IL1RAPL2: variants seen among roughly 807,000 people sequenced by gnomAD.
IL1RAPL2 encodes interleukin 1 receptor accessory protein like 2.
Under a neutral mutation model 44.1 loss-of-function variants are expected in IL1RAPL2, and 3 were observed. That is an observed-to-expected ratio of 0.07 (90% CI 0.03 to 0.18). IL1RAPL2 has a LOEUF of 0.18. IL1RAPL2 is among the 10% of genes least tolerant of loss of function. IL1RAPL2 has a pLI of 1.00. For missense variants in IL1RAPL2, 391 were observed against 496.4 expected (o/e 0.79, Z 2.02); for synonymous variants, 181 against 178.8 (o/e 1.01, Z -0.10).
At chrX:105,393,110 T>A (rs1168350316) in intron 5 of IL1RAPL2, among the ~76,000 whole-genome samples, 1 of 112,220 alleles carries the variant, frequency 8.9e-6, no homozygotes, top group East Asian at 2.8e-4. Flanking sequence ...GAAGAAGTTC[T>A]TGCTCAAATC....
chrX:104,903,451 A>C (rs1470765693), intron 2 of IL1RAPL2, among the ~76,000 whole-genome samples: 1 of 111,966 alleles, frequency 8.9e-6, no homozygotes, highest in African/African-American at 3.2e-5. Context: ...CATAGTAAAA[A>C]AAAAAATGTA....
intron 2 of IL1RAPL2, among the ~76,000 whole-genome samples, chrX:104,765,588 G>C (rs924510388): frequency 9.0e-6 from 1 of 111,613 alleles, no homozygotes; most frequent in African/African-American, 3.3e-5. Flanking sequence ...CACACACAAT[G>C]CCCCAGCATT....
chrX:105,734,899 C>T lies in IL1RAPL2; in HGVS notation c.903-5647C>T, dbSNP rs192670396. On this transcript the variant is annotated intron_variant, in intron 7 of 10. Coordinates refer to ENST00000372582, the MANE Select transcript of IL1RAPL2 (RefSeq NM_017416.2). ...GGTGTTTTTAACTCTCAAGATAGTT[C>T]ATGGTGGGTCTCCAGGAATTTATCT... Among the ~76,000 whole-genome samples, 554 of 111,267 alleles carry T rather than the reference C, an allele frequency of 5.0e-3. 7 individuals are homozygous for T. Among genetic ancestry groups the T allele is most frequent in the African/African-American group, 0.017 (529 of 30,641 alleles).
intron 1 of IL1RAPL2, among the ~76,000 whole-genome samples, chrX:104,636,236 G>A (rs1460837568): frequency 1.8e-5 from 2 of 111,840 alleles, no homozygotes; most frequent in Non-Finnish European, 1.9e-5. Context: ...GGGCATGTGA[G>A]GTGTCAGTCT....
At chrX:105,445,286 T>C (rs1354375825) in intron 5 of IL1RAPL2, among the ~76,000 whole-genome samples, 2 of 111,706 alleles carry the variant, frequency 1.8e-5, no homozygotes, top group Admixed American at 9.6e-5. Flanking sequence ...TTCTTCTTAG[T>C]TGGGCCAAAG....
intron 2 of IL1RAPL2, among the ~76,000 whole-genome samples, chrX:105,096,469 T>C (rs1172622512): frequency 8.9e-6 from 1 of 112,708 alleles, no homozygotes; most frequent in Non-Finnish European, 1.9e-5. Context: ...CTTATGAGTG[T>C]ATAAATAAAA....
intron 2 of IL1RAPL2, among the ~76,000 whole-genome samples, chrX:105,034,712 T>A (rs1412102050): frequency 8.9e-6 from 1 of 112,399 alleles, no homozygotes; most frequent in Non-Finnish European, 1.9e-5. Flanking sequence ...GGAGGCAGTC[T>A]GCCTGTTCTC....
intron 5 of IL1RAPL2, among the ~76,000 whole-genome samples, chrX:105,381,253 A>C (rs749889340): frequency 9.0e-6 from 1 of 111,595 alleles, no homozygotes; most frequent in African/African-American, 3.2e-5. Context: ...AGTTGATGTA[A>C]GATCTGTCTG....
chrX:105,013,749 G>T (rs1005955863), intron 2 of IL1RAPL2, among the ~76,000 whole-genome samples: 1 of 111,538 alleles, frequency 9.0e-6, no homozygotes. Flanking sequence ...ATTATCCAAA[G>T]CCTAGGTCTA....
At chrX:104,883,561 C>T (rs1923136041) in intron 2 of IL1RAPL2, among the ~76,000 whole-genome samples, 1 of 111,603 alleles carries the variant, frequency 9.0e-6, no homozygotes, top group Non-Finnish European at 1.9e-5. Context: ...TGACCCTTGC[C>T]TCTTGGGTCC....
At chrX:105,476,494 A>G (rs1454682321) in intron 5 of IL1RAPL2, among the ~76,000 whole-genome samples, 1 of 111,985 alleles carries the variant, frequency 8.9e-6, no homozygotes, top group Non-Finnish European at 1.9e-5. Context: ...TCTGGGGATC[A>G]CTGGTTCTGT....
intron 6 of IL1RAPL2, among the ~76,000 whole-genome samples, chrX:105,678,928 TA>T (rs971712718): frequency 1.3e-4 from 14 of 110,021 alleles, no homozygotes; most frequent in African/African-American, 3.6e-4. Context: ...GTATGCACAA[TA>T]AAAAAATGCA....
intron 6 of IL1RAPL2, among the ~76,000 whole-genome samples, chrX:105,568,466 G>C (rs1290506509): frequency 8.9e-6 from 1 of 111,948 alleles, no homozygotes; most frequent in Non-Finnish European, 1.9e-5. Flanking sequence ...AGAAAATTGT[G>C]ACACTTTTAG....
At chrX:105,181,375 G>C (rs782389281) in intron 2 of IL1RAPL2, among the ~76,000 whole-genome samples, 1 of 111,463 alleles carries the variant, frequency 9.0e-6, no homozygotes, top group South Asian at 3.8e-4. Flanking sequence ...GGCTTGGCTT[G>C]TTCTTGCTTT....
chrX:105,034,298 C>G (rs1012528984), intron 2 of IL1RAPL2, among the ~76,000 whole-genome samples: 2 of 112,159 alleles, frequency 1.8e-5, no homozygotes, highest in African/African-American at 3.2e-5. Flanking sequence ...AGGAGAGGTG[C>G]TCTGCTTTCT....
intron 5 of IL1RAPL2, among the ~76,000 whole-genome samples, chrX:105,281,111 A>G (rs1227939097): frequency 8.9e-6 from 1 of 111,929 alleles, no homozygotes; most frequent in East Asian, 2.8e-4. Context: ...GGATGAGTTC[A>G]TGTCCTTTGC....
chrX:105,736,562 A>T (rs1289721525), intron 7 of IL1RAPL2, among the ~76,000 whole-genome samples: 1 of 111,704 alleles, frequency 9.0e-6, no homozygotes, highest in Non-Finnish European at 1.9e-5. Flanking sequence ...GGCAAAGAAC[A>T]TGAACAGACA....
At chrX:104,800,367 A>C (rs1437178976) in intron 2 of IL1RAPL2, among the ~76,000 whole-genome samples, 1 of 110,304 alleles carries the variant, frequency 9.1e-6, no homozygotes, top group Non-Finnish European at 1.9e-5. Context: ...CAGGTATTTA[A>C]AAAAAAAACT....
At position 105,052,760 on chromosome X, in the gene IL1RAPL2, C is replaced by T. The variant is rs752112882; in HGVS notation, c.83-142715C>T. On this transcript the variant is annotated intron_variant, in intron 2 of 10. Transcript: ENST00000372582. ...TTCCAGGATACAAGTGCAGAATGTG[C>T]AGGTTTGTTACATAGGTATACATGT... Among the ~76,000 whole-genome samples the T allele has an allele frequency of 7.4e-3, 802 of 108,723 alleles. 9 individuals are homozygous for T. Among genetic ancestry groups the T allele is most frequent in the African/African-American group, 0.025 (743 of 29,720 alleles). 94.4% of individuals were successfully genotyped at this position (108,723 alleles called of 115,157 possible).
Sources: gnomAD v4.1 joint callset for allele counts (sites outside exome capture counted in the v4.1 genomes callset) on GRCh38, gnomAD v4.1.1 for gene constraint, MANE v1.5 for transcripts, NCBI Gene and HGNC (gene_info 2026-07-23, HGNC 2026-07-21) for gene names.